PARD3B: variants seen among roughly 807,000 people sequenced by gnomAD.
The protein encoded by PARD3B is par-3 family cell polarity regulator beta.
PARD3B carries 103 observed loss-of-function variants against 130.2 expected under a neutral mutation model. The ratio of observed to expected loss-of-function variants is 0.79; its 90% CI spans 0.67 to 0.93. The LOEUF (loss-of-function observed/expected upper bound fraction) is 0.93. Ranked by LOEUF, PARD3B falls within the 40% of genes least tolerant of loss-of-function variation. The probability of loss-of-function intolerance (pLI) is 0.00; values close to 1 mark genes in which losing one functional copy is unlikely to be tolerated. For missense variants in PARD3B, 1,609 were observed against 1,499.2 expected (o/e 1.07, Z -1.21); for synonymous variants, 583 against 553.2 (o/e 1.05, Z -0.76).
intron 21 of PARD3B, among the ~76,000 whole-genome samples, chr2:205,510,118 C>T (rs552669881): frequency 8.5e-5 from 13 of 152,322 alleles, no homozygotes; most frequent in African/African-American, 3.1e-4. Flanking sequence ...GTACCCATTA[C>T]TCACTAGGTA....
chr2:205,479,641 C>A (rs1321225218), intron 20 of PARD3B, among the ~76,000 whole-genome samples: 7 of 152,224 alleles, frequency 4.6e-5, no homozygotes, highest in African/African-American at 1.7e-4. Flanking sequence ...AGTCTACCAT[C>A]ACCCCTCACC....
At chr2:204,770,788 C>T (rs550963817) in intron 2 of PARD3B, among the ~76,000 whole-genome samples, 1 of 152,182 alleles carries the variant, frequency 6.6e-6, no homozygotes, top group South Asian at 2.1e-4. Context: ...CTTCTCCCAC[C>T]TTCCACCTGT....
chr2:204,948,926 A>T (rs1559290122), intron 2 of PARD3B, among the ~76,000 whole-genome samples: 1 of 152,130 alleles, frequency 6.6e-6, no homozygotes, highest in African/African-American at 2.4e-5. Flanking sequence ...AAATTATAGG[A>T]CTAGAGACTT....
intron 18 of PARD3B, among the ~76,000 whole-genome samples, chr2:205,322,111 A>C (rs2042772508): frequency 6.6e-6 from 1 of 152,244 alleles, no homozygotes; most frequent in Non-Finnish European, 1.5e-5. Context: ...TGGAGAAGCC[A>C]TACCAGTCTT....
intron 1 of PARD3B, among the ~76,000 whole-genome samples, chr2:204,660,239 C>T (rs1346028526): frequency 6.6e-6 from 1 of 152,060 alleles, no homozygotes; most frequent in African/African-American, 2.4e-5. Flanking sequence ...AGTTTTTCTC[C>T]TTCAATCAAT....
In PARD3B at chr2:205,263,442, G is replaced by A. The variant is rs1419656230; in HGVS notation, c.2185+17620G>A. ...TTATCATTTAAATAGCAAACAGAAT[G>A]AACATTTTAAAGTAAAATTCTGTCA... is the stretch of plus-strand genomic sequence containing the variant. On this transcript the variant is annotated intron_variant, in intron 16 of 22. Transcript: ENST00000406610. The surrounding 1 kb of genome is among the most constrained non-coding windows in gnomAD (Gnocchi z 4.0). Among the ~76,000 whole-genome samples, 1 of 150,994 alleles carries A rather than the reference G, an allele frequency of 6.6e-6. No homozygotes were observed.
At chr2:204,893,137 A>T (rs1011304381) in intron 2 of PARD3B, among the ~76,000 whole-genome samples, 2 of 152,174 alleles carry the variant, frequency 1.3e-5, no homozygotes, top group Non-Finnish European at 2.9e-5. Flanking sequence ...GGAGAACCAG[A>T]GGAGGGTGGT....
chr2:204,954,472 G>T lies in PARD3B; in HGVS notation c.223-10680G>T, dbSNP rs529526747. 3.3e-5 allele frequency among the ~76,000 whole-genome samples: 5 copies of T among 152,290 alleles called. No homozygotes were observed. The South Asian group carries it at 1.0e-3, about 32-fold the overall frequency. ...AATCAGCGGGAGCTCAGGCCAATTT[G>T]CTAAACGTGTTCATGCTAAAGAGTC... is the stretch of plus-strand genomic sequence containing the variant. On this transcript the variant is annotated intron_variant, in intron 2 of 22. Transcript: ENST00000406610.
intron 3 of PARD3B, among the ~76,000 whole-genome samples, chr2:205,027,207 C>G (rs893852910): frequency 4.1e-4 from 62 of 150,622 alleles, no homozygotes; most frequent in African/African-American, 1.4e-3. Context: ...TTCTCCACAG[C>G]CTTTCCAATA....
chr2:205,365,305 A>G (rs888907552), intron 18 of PARD3B, among the ~76,000 whole-genome samples: 10 of 151,802 alleles, frequency 6.6e-5, no homozygotes, highest in Non-Finnish European at 4.4e-5. Flanking sequence ...CAGGAGGCAG[A>G]CATTTCAGTG....
At chr2:205,236,567 G>C (rs1177971521) in intron 15 of PARD3B, among the ~76,000 whole-genome samples, 1 of 151,982 alleles carries the variant, frequency 6.6e-6, no homozygotes, top group Non-Finnish European at 1.5e-5. Context: ...AGAAATGTGA[G>C]AAAATAAATT....
Position 205,592,761 on chromosome 2 carries a change from C to G in PARD3B, c.3261-22695C>G, listed in dbSNP as rs911241930. Among the ~76,000 whole-genome samples the G allele has an allele frequency of 6.6e-6, 1 of 152,216 alleles. No individual in the cohort carries two copies. Among genetic ancestry groups the G allele is most frequent in the Non-Finnish European group, 1.5e-5 (1 of 68,034 alleles). On this transcript the variant is annotated intron_variant, in intron 22 of 22. Transcript: ENST00000406610. This position sits in a 1 kb window ranked among gnomAD's most constrained non-coding sequence, Gnocchi z 4.5. ...TCAGAAGTAAAGGATCAGGAAGAAG[C>G]GGCATCTGGAACAAGTACAGATGGC... is the stretch of plus-strand genomic sequence containing the variant.
At chr2:204,795,121 T>C (rs963421805) in intron 2 of PARD3B, among the ~76,000 whole-genome samples, 2 of 152,180 alleles carry the variant, frequency 1.3e-5, no homozygotes, top group South Asian at 2.1e-4. Context: ...TGGTTAGGAA[T>C]TGAAAAGTTT....
At chr2:205,155,891 G>A (rs894014488) in intron 10 of PARD3B, among the ~76,000 whole-genome samples, 4 of 152,066 alleles carry the variant, frequency 2.6e-5, no homozygotes, top group African/African-American at 9.7e-5. Context: ...TTTTGATGGG[G>A]TTGTTTGTTT....
intron 15 of PARD3B, among the ~76,000 whole-genome samples, chr2:205,205,028 A>C (rs1037764040): frequency 1.3e-5 from 2 of 152,122 alleles, no homozygotes; most frequent in Non-Finnish European, 2.9e-5. Context: ...AAATCTATAA[A>C]TTACTTTGGG....
intron 3 of PARD3B, among the ~76,000 whole-genome samples, chr2:204,978,406 G>A (rs985132147): frequency 6.6e-6 from 1 of 152,124 alleles, no homozygotes; most frequent in African/African-American, 2.4e-5. Flanking sequence ...ACAATTCTGT[G>A]CAACAGTTCT....
intron 10 of PARD3B, among the ~76,000 whole-genome samples, chr2:205,143,498 T>C (rs1199596455): frequency 1.3e-5 from 2 of 152,168 alleles, no homozygotes; most frequent in African/African-American, 2.4e-5. Context: ...ATTGGAAGTG[T>C]GCTGAACTTT....
At chr2:205,115,924 A>C (rs1703988648) in intron 6 of PARD3B, among the ~76,000 whole-genome samples, 1 of 152,160 alleles carries the variant, frequency 6.6e-6, no homozygotes, top group African/African-American at 2.4e-5. Flanking sequence ...CTTTGCCTCC[A>C]ATGTATTTTT....
intron 21 of PARD3B, among the ~76,000 whole-genome samples, chr2:205,546,704 C>G (rs986021752): frequency 6.6e-6 from 1 of 152,148 alleles, no homozygotes; most frequent in South Asian, 2.1e-4. Flanking sequence ...TCTGCAATTT[C>G]CTATCCTCTA....
Sources: gnomAD v4.1 joint callset for allele counts (sites outside exome capture counted in the v4.1 genomes callset) on GRCh38, gnomAD v4.1.1 for gene constraint, Gnocchi (gnomAD v3.1) non-coding constraint, MANE v1.5 for transcripts, NCBI Gene and HGNC (gene_info 2026-07-23, HGNC 2026-07-21) for gene names.